Variants in ADAMTS17 observed in about 807,000 individuals in gnomAD.
ADAMTS17 encodes the protein ADAM metallopeptidase with thrombospondin type 1 motif 17, also known as A disintegrin and metalloproteinase with thrombospondin motifs 17.
ADAMTS17 carries 113 observed loss-of-function variants against 141.5 expected under a neutral mutation model. The ratio of observed to expected loss-of-function variants is 0.80; its 90% CI spans 0.69 to 0.93. The LOEUF (loss-of-function observed/expected upper bound fraction) is 0.93. ADAMTS17 is among the 40% of genes least tolerant of loss of function. The pLI, the probability that ADAMTS17 is intolerant of heterozygous loss-of-function variation, is 0.00. For synonymous variants in ADAMTS17, 768 were observed against 630.6 expected, an observed-to-expected ratio of 1.22 and a Z score of -3.27; for missense variants, 1,659 against 1,517.9, an observed-to-expected ratio of 1.09 and a Z score of -1.54.
chr15:100,115,031 G>A (rs1024249383), intron 13 of ADAMTS17, among the ~76,000 whole-genome samples: 1 of 152,242 alleles, frequency 6.6e-6, no homozygotes, highest in Non-Finnish European at 1.5e-5. Flanking sequence ...TTTGAAGAGC[G>A]TGAGTCTGTC....
At chr15:100,141,080 G>A (rs1300106406) in intron 10 of ADAMTS17, among the ~76,000 whole-genome samples, 1 of 152,208 alleles carries the variant, frequency 6.6e-6, no homozygotes, top group East Asian at 1.9e-4. Flanking sequence ...CACATGGCAA[G>A]GAAAATGAAA....
intron 4 of ADAMTS17, among the ~76,000 whole-genome samples, chr15:100,270,504 TAA>T (rs1567462970): frequency 6.6e-6 from 1 of 152,064 alleles, no homozygotes; most frequent in African/African-American, 2.4e-5. Flanking sequence ...GCCTAGGAAT[TAA>T]AAAAGTAAAG....
intron 8 of ADAMTS17, among the ~76,000 whole-genome samples, chr15:100,167,805 G>A (rs771316730): frequency 5.4e-4 from 82 of 152,340 alleles, no homozygotes; most frequent in Non-Finnish European, 7.2e-4. Flanking sequence ...TAGGTTTTTA[G>A]AGGACGATAA....
chr15:100,051,594 C>A lies in ADAMTS17; in HGVS notation c.2433G>T (p.Gly811=), dbSNP rs765399592. Residue 811 remains glycine (G), a synonymous_variant, in exon 17 of 22, where the codon GGG becomes GGT. Coordinates refer to ENST00000268070, the MANE Select transcript of ADAMTS17 (RefSeq NM_139057.4). ...CACCTCCGCCGCACTGCACACTGCACCCTTCCCAGCCGCTGTGGGTCCAGA... is the reference window on the plus strand; with the variant it reads ...CACCTCCGCCGCACTGCACACTGCAACCTTCCCAGCCGCTGTGGGTCCAGA... ...LFIWTHSGWE[G]CSVQCGGGER... The A allele has an allele frequency of 3.1e-6, 5 of 1,613,874 alleles. No homozygotes were observed. Among genetic ancestry groups the A allele is most frequent in the Admixed American group, 3.3e-5 (2 of 60,008 alleles).
At chr15:100,215,969 C>T (rs112591026) in intron 7 of ADAMTS17, among the ~76,000 whole-genome samples, 12 of 152,174 alleles carry the variant, frequency 7.9e-5, no homozygotes, top group Non-Finnish European at 1.5e-4. Context: ...TCCTCAGCTC[C>T]CTTGGCCATT....
chr15:100,162,967 T>C (rs1173018471), intron 8 of ADAMTS17, among the ~76,000 whole-genome samples: 1 of 141,614 alleles, frequency 7.1e-6, no homozygotes, highest in Non-Finnish European at 1.5e-5. Flanking sequence ...TAACTATATA[T>C]GTATATATAT....
intron 10 of ADAMTS17, among the ~76,000 whole-genome samples, chr15:100,147,212 TTCTC>T (rs764401073): frequency 5.3e-5 from 8 of 152,040 alleles, no homozygotes; most frequent in African/African-American, 9.7e-5. Flanking sequence ...CTTTAAAAAT[TTCTC>T]TCTTTTGTAC....
intron 18 of ADAMTS17, among the ~76,000 whole-genome samples, chr15:100,014,228 A>G (rs1276818445): frequency 3.9e-5 from 6 of 152,124 alleles, no homozygotes; most frequent in African/African-American, 1.2e-4. Context: ...ATCAGTTGTA[A>G]TATCTCCTAT....
Position 99,974,091 on chromosome 15 carries a change from A to T in ADAMTS17, c.*311T>A. The T allele has an allele frequency of 2.2e-6, 1 of 451,046 alleles. No homozygotes were observed. The highest frequency in any genetic ancestry group is 2.1e-5 in the South Asian group (1 of 47,378). 27.9% of individuals were successfully genotyped at this position (451,046 alleles called of 1,614,324 possible). A position where few individuals can be genotyped will look rare whatever the true frequency, so the allele number is the denominator to read the frequency against. On this transcript the variant is annotated 3_prime_UTR_variant, in exon 22 of 22. Transcript: ENST00000268070. ...GTCAAAAGCGAGTCAAGACAAGAAC[A>T]CTAAATGATGTCTCTCTCTTGACGG...
chr15:100,051,355 GCCCC>G (rs2032128143), intron 17 of ADAMTS17, among the ~76,000 whole-genome samples: 1 of 152,190 alleles, frequency 6.6e-6, no homozygotes, highest in Non-Finnish European at 1.5e-5. Context: ...GGGGCCCTGG[GCCCC>G]AGGCAAAGCA....
intron 2 of ADAMTS17, among the ~76,000 whole-genome samples, chr15:100,331,681 T>C (rs2046058149): frequency 6.6e-6 from 1 of 152,164 alleles, no homozygotes; most frequent in African/African-American, 2.4e-5. Flanking sequence ...AATCCCGAAC[T>C]GCCTTTGATC....
intron 7 of ADAMTS17, among the ~76,000 whole-genome samples, chr15:100,201,937 C>G (rs551295238): frequency 6.6e-6 from 1 of 152,192 alleles, no homozygotes; most frequent in African/African-American, 2.4e-5. Flanking sequence ...CGTGGGTGCA[C>G]GCACACGCTC....
At chr15:99,994,212 A>C (rs2060749373) in intron 19 of ADAMTS17, among the ~76,000 whole-genome samples, 1 of 152,236 alleles carries the variant, frequency 6.6e-6, no homozygotes. Flanking sequence ...TAACTTGGAA[A>C]GATGGTGTGC....
chr15:100,321,041 T>C (rs1596518790), intron 3 of ADAMTS17, among the ~76,000 whole-genome samples: 2 of 152,196 alleles, frequency 1.3e-5, no homozygotes, highest in African/African-American at 2.4e-5. Flanking sequence ...TTACCATTCA[T>C]TGGGAAGAGA....
chr15:100,327,087 G>A (rs760101137), intron 3 of ADAMTS17, among the ~76,000 whole-genome samples: 27 of 152,264 alleles, frequency 1.8e-4, no homozygotes, highest in African/African-American at 5.5e-4. Context: ...AGACCTTGGC[G>A]ATGACCTTGA....
chr15:99,996,054 ATTT>A (rs200543255), intron 19 of ADAMTS17, among the ~76,000 whole-genome samples: 1 of 137,486 alleles, frequency 7.3e-6, no homozygotes, highest in African/African-American at 2.6e-5. Context: ...GTCTGAGTGG[ATTT>A]TTTTTTTTTT....
At chr15:100,247,254 G>A (rs908709737) in intron 7 of ADAMTS17, among the ~76,000 whole-genome samples, 12 of 151,664 alleles carry the variant, frequency 7.9e-5, no homozygotes, top group South Asian at 2.1e-4. Context: ...AGCTTACAAG[G>A]AATAACAATA....
chr15:100,096,236 G>T lies in ADAMTS17; in HGVS notation c.2137+120C>A, dbSNP rs1030329384. ...TTCAGAAATGAAACTGAAGTTCCAG[G>T]TCACCTATCCACTACCATCTAGCCC... is the stretch of plus-strand genomic sequence containing the variant. On this transcript the variant is annotated intron_variant, in intron 15 of 21. Coordinates refer to ENST00000268070, the MANE Select transcript of ADAMTS17 (RefSeq NM_139057.4). 5 of 1,515,440 alleles carry T rather than the reference G, an allele frequency of 3.3e-6. No individual in the cohort carries two copies. The East Asian group carries it at 9.1e-5, about 28-fold the overall frequency. The allele number at this position is 1,515,440 out of a possible 1,614,324, so 93.9% of individuals were successfully genotyped here.
chr15:100,084,702 C>T (rs546545062), intron 15 of ADAMTS17, among the ~76,000 whole-genome samples: 2 of 152,326 alleles, frequency 1.3e-5, no homozygotes, highest in East Asian at 3.9e-4. Context: ...CGCTGTTCTG[C>T]AGCCACTGCT....
Sources: allele counts gnomAD v4.1 joint callset (sites outside exome capture counted in the v4.1 genomes callset), GRCh38; gene constraint gnomAD v4.1.1; transcripts MANE v1.5; gene names NCBI Gene and HGNC (gene_info 2026-07-23, HGNC 2026-07-21).